Variants in PRMT3 observed in about 807,000 individuals in gnomAD.
PRMT3 encodes protein arginine N-methyltransferase 3.
A neutral mutation model predicts 71.9 loss-of-function variants in PRMT3; 62 were observed. That is an observed-to-expected ratio of 0.86 (90% CI 0.70 to 1.07). PRMT3 has a LOEUF of 1.07. PRMT3 is among the 50% of genes least tolerant of loss of function. PRMT3 has a pLI of 0.00. For missense variants in PRMT3, 663 were observed against 643.0 expected, an observed-to-expected ratio of 1.03 and a Z score of -0.34; for synonymous variants, 213 against 220.4, an observed-to-expected ratio of 0.97 and a Z score of 0.30.
intron 11 of PRMT3, among the ~76,000 whole-genome samples, chr11:20,457,805 A>AT (rs1850301217): frequency 6.6e-6 from 1 of 152,312 alleles, no homozygotes; most frequent in South Asian, 2.1e-4. Context: ...TAGTATTTTC[A>AT]TAACTGTCTA....
intron 5 of PRMT3, among the ~76,000 whole-genome samples, chr11:20,394,463 A>G (rs1848782853): frequency 6.6e-6 from 1 of 151,584 alleles, no homozygotes; most frequent in Non-Finnish European, 1.5e-5. Context: ...CTCCAGTTTT[A>G]TTCAGGTATA....
chr11:20,398,012 TAAAAAAAA>T (rs11424785), intron 7 of PRMT3, among the ~76,000 whole-genome samples: 7 of 121,698 alleles, frequency 5.8e-5, no homozygotes, highest in Non-Finnish European at 9.9e-5. Flanking sequence ...TGTCTCTATT[TAAAAAAAA>T]AAAAAAAAAA....
In PRMT3 at chr11:20,462,144, A is replaced by T; in HGVS notation, c.1237A>T (p.Ile413Phe). Residue 413 changes from isoleucine to phenylalanine, a missense_variant, in exon 12 of 16, where the codon ATT becomes TTT. Coordinates refer to ENST00000331079, the MANE Select transcript of PRMT3 (RefSeq NM_005788.4). ...GGAAGTTTTAGATCCGAAGACTCTT[A>T]TTTCAGAACCTTGTGGTATTAAGGT... is the stretch of plus-strand genomic sequence containing the variant. ...VVEVLDPKTL[I>F]SEPCGIKHID... is the part of the protein sequence containing the mutation. 4 of 1,610,476 alleles carry T rather than the reference A, an allele frequency of 2.5e-6. No individual in the cohort carries two copies. Among genetic ancestry groups the T allele is most frequent in the Non-Finnish European group, 3.4e-6 (4 of 1,177,542 alleles).
intron 9 of PRMT3, among the ~76,000 whole-genome samples, chr11:20,417,985 C>T (rs1435134484): frequency 6.6e-6 from 1 of 152,194 alleles, no homozygotes; most frequent in Non-Finnish European, 1.5e-5. Flanking sequence ...AGTGCATGGA[C>T]TGTGTCTTTT....
chr11:20,451,745 C>T (rs570902331), intron 10 of PRMT3, among the ~76,000 whole-genome samples: 34 of 152,142 alleles, frequency 2.2e-4, no homozygotes, highest in Non-Finnish European at 4.3e-4. Context: ...GACATTGCCA[C>T]GTGTTCCCCA....
At chr11:20,422,114 A>G (rs544121429) in intron 9 of PRMT3, among the ~76,000 whole-genome samples, 5 of 152,174 alleles carry the variant, frequency 3.3e-5, no homozygotes, top group African/African-American at 4.8e-5. Flanking sequence ...GAATCTCTTC[A>G]CAGCCACTTG....
chr11:20,428,558 G>A (rs1444130107), intron 10 of PRMT3, among the ~76,000 whole-genome samples: 1 of 152,300 alleles, frequency 6.6e-6, no homozygotes, highest in Middle Eastern at 3.4e-3. Flanking sequence ...ATATCTTAGA[G>A]CCAGCTGGTT....
chr11:20,471,108 T>A (rs1850634670), intron 13 of PRMT3, among the ~76,000 whole-genome samples: 1 of 152,168 alleles, frequency 6.6e-6, no homozygotes, highest in Non-Finnish European at 1.5e-5. Flanking sequence ...CTCGGTAGAT[T>A]TTGAATATTA....
chr11:20,439,918 G>T (rs936675637), intron 10 of PRMT3, among the ~76,000 whole-genome samples: 47 of 152,148 alleles, frequency 3.1e-4, no homozygotes, highest in African/African-American at 1.0e-3. Context: ...TTTTACTTGT[G>T]CAAAGACTGA....
intron 9 of PRMT3, among the ~76,000 whole-genome samples, chr11:20,426,564 G>A (rs1021141839): frequency 9.2e-5 from 14 of 152,094 alleles, no homozygotes; most frequent in African/African-American, 3.1e-4. Context: ...TTGGTTCACT[G>A]TATTGCCATA....
chr11:20,506,264 GA>G (rs1485815247), intron 15 of PRMT3, among the ~76,000 whole-genome samples: 1 of 152,142 alleles, frequency 6.6e-6, no homozygotes, highest in East Asian at 1.9e-4. Context: ...AGAACTATCT[GA>G]CTGGTAATCT....
At chr11:20,432,889 T>C (rs1849684792) in intron 10 of PRMT3, among the ~76,000 whole-genome samples, 1 of 152,164 alleles carries the variant, frequency 6.6e-6, no homozygotes, top group African/African-American at 2.4e-5. Context: ...TGCCCATTTT[T>C]GATCAGATTA....
chr11:20,404,614 A>G (rs1055769150), intron 8 of PRMT3, among the ~76,000 whole-genome samples: 3 of 152,164 alleles, frequency 2.0e-5, no homozygotes. Flanking sequence ...CCAGTGAAGC[A>G]AATTATGTTG....
chr11:20,506,078 T>C (rs977289960), intron 15 of PRMT3, among the ~76,000 whole-genome samples: 3 of 152,328 alleles, frequency 2.0e-5, no homozygotes, highest in African/African-American at 7.2e-5. Flanking sequence ...ATTACTTACC[T>C]TTTCTGAACT....
chr11:20,392,146 A>C (rs187427376), intron 3 of PRMT3, 65 bp from the exon 4 acceptor site: 78 of 1,460,834 alleles, frequency 5.3e-5, no homozygotes, highest in Admixed American at 1.7e-4. Flanking sequence ...AAGGCTTTAT[A>C]GAATAGGTCA....
intron 3 of PRMT3, among the ~76,000 whole-genome samples, chr11:20,391,026 G>C (rs1159229180): frequency 6.7e-6 from 1 of 150,120 alleles, no homozygotes; most frequent in Non-Finnish European, 1.5e-5. Context: ...CTACAGCCTG[G>C]GTGACAGACT....
intron 10 of PRMT3, among the ~76,000 whole-genome samples, chr11:20,432,579 G>A (rs1331665894): frequency 6.6e-6 from 1 of 152,024 alleles, no homozygotes; most frequent in Non-Finnish European, 1.5e-5. Flanking sequence ...TGTATACCCG[G>A]TAGTGTGATT....
intron 5 of PRMT3, among the ~76,000 whole-genome samples, chr11:20,394,783 G>GC (rs1848789941): frequency 6.6e-6 from 1 of 151,476 alleles, no homozygotes; most frequent in African/African-American, 2.4e-5. Flanking sequence ...GCTGCTGTGA[G>GC]TTTTTTTTTA....
chr11:20,478,390 T>G (rs905290644), intron 13 of PRMT3, among the ~76,000 whole-genome samples: 1 of 152,198 alleles, frequency 6.6e-6, no homozygotes, highest in Non-Finnish European at 1.5e-5. Flanking sequence ...CATAAGTTAG[T>G]GAAGTAAAGG....
Sources: gnomAD v4.1 joint callset for allele counts (sites outside exome capture counted in the v4.1 genomes callset) on GRCh38, gnomAD v4.1.1 for gene constraint, MANE v1.5 for transcripts, NCBI Gene and HGNC (gene_info 2026-07-23, HGNC 2026-07-21) for gene names.